Variants in RNF144B observed in about 807,000 individuals in gnomAD.
RNF144B encodes E3 ubiquitin-protein ligase RNF144B.
A neutral mutation model predicts 40.2 loss-of-function variants in RNF144B; 25 were observed. The ratio of observed to expected loss-of-function variants is 0.62; its 90% confidence interval spans 0.45 to 0.87. The LOEUF (loss-of-function observed/expected upper bound fraction) is 0.87. Among genes scored for constraint, RNF144B ranks in the 40% least tolerant of loss-of-function variants. The probability of loss-of-function intolerance (pLI) is 0.00; values close to 1 mark genes in which losing one functional copy is unlikely to be tolerated. For missense variants in RNF144B, 365 were observed against 373.7 expected, an observed-to-expected ratio of 0.98 and a Z score of 0.19; for synonymous variants, 145 against 136.3, an observed-to-expected ratio of 1.06 and a Z score of -0.44.
chr6:18,421,739 T>C (rs1758431675), intron 2 of RNF144B, among the ~76,000 whole-genome samples: 1 of 152,106 alleles, frequency 6.6e-6, no homozygotes, highest in Non-Finnish European at 1.5e-5. Context: ...GAATACACCT[T>C]TGCACGCAGT....
chr6:18,428,070 C>T (rs948134559), intron 3 of RNF144B, among the ~76,000 whole-genome samples: 7 of 152,064 alleles, frequency 4.6e-5, no homozygotes, highest in African/African-American at 7.2e-5. Context: ...ATCATGGGGG[C>T]GGTTCCCCCA....
intron 2 of RNF144B, among the ~76,000 whole-genome samples, chr6:18,413,437 TG>T (rs112700936): frequency 0.066 from 10,062 of 152,288 alleles, 417 homozygotes; most frequent in Non-Finnish European, 0.083. Flanking sequence ...AATATAGTGG[TG>T]GCCATGGCCT....
At chr6:18,428,694 G>GCAC (rs1290960288) in intron 3 of RNF144B, among the ~76,000 whole-genome samples, 6 of 152,020 alleles carry the variant, frequency 3.9e-5, no homozygotes, top group African/African-American at 1.2e-4. Context: ...TTTGCACCAG[G>GCAC]CACCACCACC....
chr6:18,409,392 A>AC (rs1554173684), intron 2 of RNF144B, among the ~76,000 whole-genome samples: 1 of 150,172 alleles, frequency 6.7e-6, no homozygotes, highest in African/African-American at 2.4e-5. Flanking sequence ...AAAAAAAAAA[A>AC]AAAAAAAAAA....
chr6:18,445,084 A>AT (rs34323770), intron 4 of RNF144B, among the ~76,000 whole-genome samples: 19,010 of 151,878 alleles, frequency 0.13, 1,364 homozygotes, highest in Admixed American at 0.19. Context: ...GCTCAGTTTG[A>AT]TTTTTTTAAC....
At position 18,427,584 on chromosome 6, in the gene RNF144B, C is replaced by T. The variant is rs770638565; in HGVS notation, c.169C>T (p.Leu57=). 3 of 1,612,004 alleles carry T rather than the reference C, an allele frequency of 1.9e-6. No homozygotes were observed. Among genetic ancestry groups the T allele is most frequent in the African/African-American group, 2.7e-5 (2 of 74,840 alleles). The change falls in exon 3 of 8, where the codon CTG becomes TTG. Residue 57 remains leucine, a synonymous_variant. Transcript: ENST00000259939. ...ECQCIFCTAC[L]KQYMQLAIRE... ...TCTTTTTTTTCTTAACTTCCAGTGCCTGAAACAGTACATGCAGCTGGCAAT... is the reference window on the plus strand; with the variant it reads ...TCTTTTTTTTCTTAACTTCCAGTGCTTGAAACAGTACATGCAGCTGGCAAT...
intron 1 of RNF144B, chr6:18,396,968 T>C (rs1794705503): frequency 3.9e-6 from 1 of 255,016 alleles, no homozygotes; most frequent in Non-Finnish European, 6.2e-6. Context: ...AATAACGCTG[T>C]GTCTTGAACT....
In RNF144B at chr6:18,406,778, A is replaced by C. The variant is rs1794919375; in HGVS notation, c.165+7079A>C. 1.3e-5 allele frequency among the ~76,000 whole-genome samples: 2 copies of C among 151,988 alleles called. No individual in the cohort carries two copies. Among genetic ancestry groups the C allele is most frequent in the Non-Finnish European group, 2.9e-5 (2 of 68,002 alleles). On this transcript the variant is annotated intron_variant, in intron 2 of 7. Transcript: ENST00000259939. This position sits in a 1 kb window ranked among gnomAD's most constrained non-coding sequence, Gnocchi z 4.2. ...ATGGGGAGGGTAAACTGCTTTACTC[A>C]GTTTACCGATGCAAGTGCTGATTGT... is the stretch of plus-strand genomic sequence containing the variant.
chr6:18,413,070 A>T (rs1795079285), intron 2 of RNF144B, among the ~76,000 whole-genome samples: 1 of 152,238 alleles, frequency 6.6e-6, no homozygotes, highest in African/African-American at 2.4e-5. Context: ...GTTTACAGAT[A>T]AACCAATTCA....
intron 2 of RNF144B, among the ~76,000 whole-genome samples, chr6:18,411,315 CAT>C (rs1235909668): frequency 3.6e-5 from 2 of 55,806 alleles, no homozygotes; most frequent in Non-Finnish European, 6.8e-5. Flanking sequence ...GGCTAGTACT[CAT>C]AGAAGAAATA....
intron 2 of RNF144B, among the ~76,000 whole-genome samples, chr6:18,404,863 G>A (rs1794863934): frequency 6.6e-6 from 1 of 152,070 alleles, no homozygotes; most frequent in South Asian, 2.1e-4. Context: ...GGCTTGATAT[G>A]TTAGTCTAGT....
Position 18,446,392 on chromosome 6 carries a change from A to G in RNF144B, c.331+6648A>G, listed in dbSNP as rs1759083047. Among the ~76,000 whole-genome samples, 3 of 152,102 alleles carry G rather than the reference A, an allele frequency of 2.0e-5. No individual in the cohort carries two copies. In the South Asian group the frequency reaches 6.2e-4, roughly 32 times the overall value. ...CCATGCTGTGCTCAGATATCTTTTCAGTGGAATCTGGCCAGATTTCTATGT... is the reference window on the plus strand; with the variant it reads ...CCATGCTGTGCTCAGATATCTTTTCGGTGGAATCTGGCCAGATTTCTATGT... On this transcript the variant is annotated intron_variant, in intron 4 of 7. Coordinates refer to ENST00000259939, the MANE Select transcript of RNF144B (RefSeq NM_182757.4). The surrounding 1 kb of genome is among the most constrained non-coding windows in gnomAD (Gnocchi z 4.7).
At position 18,396,382 on chromosome 6, in the gene RNF144B, A is replaced by G. The variant is rs536124565; in HGVS notation, c.-36-3117A>G. On this transcript the variant is annotated intron_variant, in intron 1 of 7. Transcript: ENST00000259939. ...TTATGTCTTTGTTTTTCAAGAGTAC[A>G]TTAAAACTTTGGCCTGTTTAATATT... The G allele has an allele frequency of 5.2e-6, 5 of 962,462 alleles. No individual in the cohort carries two copies. In the South Asian group the frequency reaches 1.9e-4, roughly 37 times the overall value. The allele number at this position is 962,462 out of a possible 1,614,324, so 59.6% of individuals were successfully genotyped here. A position where few individuals can be genotyped will look rare whatever the true frequency, so the allele number is the denominator to read the frequency against.
rs72834104 is a variant in RNF144B, at chr6:18,465,238, G to T, written c.*171G>T. The T allele has an allele frequency of 0.012, 7,532 of 637,208 alleles. 71 individuals are homozygous for T. Among genetic ancestry groups the T allele is most frequent in the Middle Eastern group, 0.025 (58 of 2,348 alleles). 39.5% of individuals were successfully genotyped at this position (637,208 alleles called of 1,614,324 possible). On this transcript the variant is annotated 3_prime_UTR_variant, in exon 8 of 8. Coordinates refer to ENST00000259939, the MANE Select transcript of RNF144B (RefSeq NM_182757.4). ...AGCATCAGGAAAGGCCAAGTCCTGG[G>T]TGTGAGTGTTCCTGTGTAACAAGAA...
rs1759597683 is a variant in RNF144B, at chr6:18,467,470, G to A, written c.*2403G>A. 8.5e-6 allele frequency: 1 copy of A among 117,928 alleles called. No individual in the cohort carries two copies. The highest frequency in any genetic ancestry group is 1.7e-5 in the Non-Finnish European group (1 of 59,512). 7.3% of individuals were successfully genotyped at this position (117,928 alleles called of 1,614,324 possible). On this transcript the variant is annotated 3_prime_UTR_variant, in exon 8 of 8. Transcript: ENST00000259939. ...TTGTCAAACTGATTTTCAATAATTG[G>A]ATTTAATTTTTTTTAACATTGAAAA...
In RNF144B at chr6:18,410,125, A is replaced by G. The variant is rs1252863103; in HGVS notation, c.165+10426A>G. Among the ~76,000 whole-genome samples the G allele has an allele frequency of 6.6e-6, 1 of 152,200 alleles. No homozygotes were observed. Among genetic ancestry groups the G allele is most frequent in the Non-Finnish European group, 1.5e-5 (1 of 68,032 alleles). On this transcript the variant is annotated intron_variant, in intron 2 of 7. Coordinates refer to ENST00000259939, the MANE Select transcript of RNF144B (RefSeq NM_182757.4). The surrounding 1 kb of genome is among the most constrained non-coding windows in gnomAD (Gnocchi z 4.6). ...GGCCAAACATGCAAATCATGACCAG[A>G]GAGCAGGCAAAAGTTGGTTTCTGAT...
rs1379786669 is a variant in RNF144B at position 18,460,678 on chromosome 6, C to T, written c.681+927C>T. Among the ~76,000 whole-genome samples, 2 of 152,276 alleles carry T rather than the reference C, an allele frequency of 1.3e-5. No individual in the cohort carries two copies. Among genetic ancestry groups the T allele is most frequent in the East Asian group, 1.9e-4 (1 of 5,186 alleles). ...TGCAGCAGTATCGCTACTGTTTTGA[C>T]AGTGTTCCCTTCCCAGATCAAGGGG... On this transcript the variant is annotated intron_variant, in intron 6 of 7. Coordinates refer to ENST00000259939, the MANE Select transcript of RNF144B (RefSeq NM_182757.4). This position sits in a 1 kb window ranked among gnomAD's most constrained non-coding sequence, Gnocchi z 4.4.
chr6:18,432,485 T>C (rs927011566), intron 3 of RNF144B, among the ~76,000 whole-genome samples: 1 of 152,248 alleles, frequency 6.6e-6, no homozygotes, highest in Non-Finnish European at 1.5e-5. Context: ...TACTTGATCT[T>C]GTAATCATGT....
At chr6:18,427,256 A>AT (rs66527549) in intron 2 of RNF144B, among the ~76,000 whole-genome samples, 51,197 of 149,954 alleles carry the variant, frequency 0.34, 9,283 homozygotes, top group East Asian at 0.51. Flanking sequence ...AGGAACTCAT[A>AT]TTTTTTTTTT....
Sources: allele counts gnomAD v4.1 joint callset (sites outside exome capture counted in the v4.1 genomes callset), GRCh38; gene constraint gnomAD v4.1.1; non-coding constraint Gnocchi (gnomAD v3.1); transcripts MANE v1.5; gene names NCBI Gene and HGNC (gene_info 2026-07-23, HGNC 2026-07-21).